INVS: variants seen among roughly 807,000 people sequenced by gnomAD.
INVS encodes inversin.
In INVS, 86 loss-of-function variants were observed where a neutral mutation model predicts 108.8. That is an observed-to-expected ratio of 0.79 (90% confidence interval 0.66 to 0.95). The LOEUF is 0.95. INVS is among the 40% of genes least tolerant of loss of function. The pLI is 0.00. For missense variants in INVS, 1,169 were observed against 1,297.4 expected (o/e 0.90, Z 1.52); for synonymous variants, 455 against 473.5 (o/e 0.96, Z 0.51).
chr9:100,106,455 T>C (rs1196681534), intron 2 of INVS, among the ~76,000 whole-genome samples: 3 of 152,130 alleles, frequency 2.0e-5, no homozygotes, highest in Non-Finnish European at 4.4e-5. Context: ...TCCCTTTAGG[T>C]ATTGCCATTT....
intron 3 of INVS, among the ~76,000 whole-genome samples, chr9:100,206,717 C>G (rs1236173024): frequency 6.6e-6 from 1 of 151,850 alleles, no homozygotes; most frequent in Non-Finnish European, 1.5e-5. Context: ...TGCCCATTGT[C>G]CCAACAATGT....
intron 3 of INVS, among the ~76,000 whole-genome samples, chr9:100,156,385 C>T (rs1036324624): frequency 6.6e-6 from 1 of 151,638 alleles, no homozygotes; most frequent in East Asian, 1.9e-4. Flanking sequence ...CTAAGCCTCC[C>T]AAGTAGCTGG....
intron 3 of INVS, chr9:100,175,553 G>A: frequency 1.4e-6 from 1 of 730,706 alleles, no homozygotes; most frequent in Non-Finnish European, 2.6e-6. Context: ...GCTACAAACA[G>A]GTTAAGACTT....
intron 3 of INVS, among the ~76,000 whole-genome samples, chr9:100,138,558 T>C (rs187213534): frequency 1.5e-3 from 225 of 152,218 alleles, no homozygotes; most frequent in African/African-American, 4.9e-3. Flanking sequence ...TTCTACCCTT[T>C]CCGGCTCTGT....
rs560395899 is a variant in INVS, at chr9:100,234,740, T to C, written c.615+4913T>C. ...CTGTGGTCTAAGAGACTGTCTGTTATGATTTCCATTCTTTTACATTTGCTG... is the reference window on the plus strand; with the variant it reads ...CTGTGGTCTAAGAGACTGTCTGTTACGATTTCCATTCTTTTACATTTGCTG... On this transcript the variant is annotated intron_variant, in intron 5 of 16. Coordinates refer to ENST00000262457, the MANE Select transcript of INVS (RefSeq NM_014425.5). Among the ~76,000 whole-genome samples the C allele has an allele frequency of 7.9e-5, 12 of 152,354 alleles. No homozygotes were observed. The South Asian group carries it at 2.5e-3, about 32-fold the overall frequency.
At position 100,229,717 on chromosome 9, in the gene INVS, A is replaced by G. The variant is rs201371620; in HGVS notation, c.505A>G (p.Ile169Val). ...TAACCCTGAGCATGTGAAGCTGCTC[A>G]TCAAGCATGATTCTAACATTGGGAT... ...YNNPEHVKLL[I>V]KHDSNIGIPD... is the part of the protein sequence containing the mutation. The change falls in exon 5 of 17, where the codon ATC becomes GTC. Residue 169 changes from isoleucine to valine, a missense_variant. Transcript: ENST00000262457. 4 of 1,614,156 alleles carry G rather than the reference A, an allele frequency of 2.5e-6. No individual in the cohort carries two copies. The highest frequency in any genetic ancestry group is 3.4e-6 in the Non-Finnish European group (4 of 1,180,006).
chr9:100,175,601 G>C, intron 3 of INVS: 1 of 691,148 alleles, frequency 1.4e-6, no homozygotes, highest in Non-Finnish European at 2.7e-6. Flanking sequence ...AGAGGTGGCA[G>C]AAAAACAGCT....
intron 2 of INVS, among the ~76,000 whole-genome samples, chr9:100,111,465 T>C (rs954718236): frequency 6.6e-6 from 1 of 152,240 alleles, no homozygotes; most frequent in Non-Finnish European, 1.5e-5. Context: ...CTGGACTGTG[T>C]TGAGACAGAG....
rs376529614 is a variant in INVS at position 100,236,730 on chromosome 9, T to C, written c.616-3330T>C. ...ATTGCTGCCTGTTCTTTCCTCTGGA[T>C]GCTTTGTCCCAGATGGGCAACTGCT... On this transcript the variant is annotated intron_variant, in intron 5 of 16. Coordinates refer to ENST00000262457, the MANE Select transcript of INVS (RefSeq NM_014425.5). 4.3e-4 allele frequency among the ~76,000 whole-genome samples: 65 copies of C among 152,282 alleles called. No homozygotes were observed. In the South Asian group the frequency reaches 0.013, roughly 31 times the overall value.
intron 3 of INVS, among the ~76,000 whole-genome samples, chr9:100,193,003 G>T: frequency 7.1e-6 from 1 of 141,598 alleles, no homozygotes. Context: ...TTCTGATACA[G>T]GATTTTACTC....
intron 3 of INVS, among the ~76,000 whole-genome samples, chr9:100,156,116 A>C (rs1032617618): frequency 6.6e-6 from 1 of 152,188 alleles, no homozygotes; most frequent in Non-Finnish European, 1.5e-5. Context: ...ATGGCAAGAT[A>C]TCTAACAAAG....
chr9:100,100,879 G>GCA (rs1826908811), intron 1 of INVS, among the ~76,000 whole-genome samples: 1 of 21,846 alleles, frequency 4.6e-5, no homozygotes, highest in Non-Finnish European at 7.8e-5. Flanking sequence ...TATTATATAT[G>GCA]TATATATAAT....
At chr9:100,242,733 A>G (rs998205697) in intron 7 of INVS, 54 bp downstream of exon 7, 10 of 1,003,944 alleles carry the variant, frequency 1.0e-5, no homozygotes, top group African/African-American at 3.2e-5. Context: ...TTATTTTTAT[A>G]TAATTGTAGA....
chr9:100,114,660 C>T (rs918421220), intron 2 of INVS, among the ~76,000 whole-genome samples: 3 of 152,132 alleles, frequency 2.0e-5, no homozygotes, highest in African/African-American at 7.2e-5. Flanking sequence ...CCCCCATCAG[C>T]CTCCCAAAGT....
intron 3 of INVS, among the ~76,000 whole-genome samples, chr9:100,212,137 C>G (rs1830849713): frequency 6.6e-6 from 1 of 152,126 alleles, no homozygotes; most frequent in Admixed American, 6.5e-5. Context: ...ACTTTAAAGA[C>G]TAAGCAACCA....
chr9:100,239,923 C>T, intron 5 of INVS, 137 bp from the exon 6 acceptor site: 1 of 763,142 alleles, frequency 1.3e-6, no homozygotes, highest in East Asian at 2.7e-5. Context: ...GAGCTGTGAT[C>T]ATGCCACTGT....
chr9:100,122,576 CTTTTTTTTTTT>C (rs1161036698), intron 2 of INVS, among the ~76,000 whole-genome samples: 5 of 57,532 alleles, frequency 8.7e-5, no homozygotes, highest in Non-Finnish European at 1.3e-4. Context: ...AAGTGAGTTT[CTTTTTTTTTTT>C]TTTTTTTTTT....
chr9:100,301,178 C>CAT lies in INVS; in HGVS notation c.*507_*508dup, dbSNP rs1554731861. 1.0e-3 allele frequency among the ~76,000 whole-genome samples: 50 copies of CAT among 49,118 alleles called. No homozygotes were observed. Among genetic ancestry groups the CAT allele is most frequent in the Non-Finnish European group, 1.3e-3 (40 of 30,414 alleles). 32.2% of individuals were successfully genotyped at this position (49,118 alleles called of 152,430 possible). A position where few individuals can be genotyped will look rare whatever the true frequency, so the allele number is the denominator to read the frequency against. On this transcript the variant is annotated 3_prime_UTR_variant, in exon 17 of 17. Transcript: ENST00000262457. ...ACACACACACACACACACACACACA[C>CAT]ATATCACGTCCCACTATTACTTCAA... is the stretch of plus-strand genomic sequence containing the variant.
intron 3 of INVS, among the ~76,000 whole-genome samples, chr9:100,165,429 C>T (rs1829330936): frequency 1.3e-5 from 2 of 152,066 alleles, no homozygotes; most frequent in Non-Finnish European, 1.5e-5. Context: ...ATCTATCCTA[C>T]AGTTATTAGC....
Sources: allele counts gnomAD v4.1 joint callset (sites outside exome capture counted in the v4.1 genomes callset), GRCh38; gene constraint gnomAD v4.1.1; transcripts MANE v1.5; gene names NCBI Gene and HGNC (gene_info 2026-07-23, HGNC 2026-07-21).